HRH1: variants seen among roughly 807,000 people sequenced by gnomAD.
HRH1 encodes histamine receptor H1.
In HRH1, 6 loss-of-function variants were observed where a neutral mutation model predicts 10.3. That is an observed-to-expected ratio of 0.58 (90% CI 0.32 to 1.15). The LOEUF (loss-of-function observed/expected upper bound fraction) is 1.15, where lower values mean the gene tolerates loss of function less well. Ranked by LOEUF, HRH1 falls within the 50% of genes most tolerant of loss-of-function variation. The pLI, the probability that HRH1 is intolerant of heterozygous loss-of-function variation, is 0.05. For synonymous variants in HRH1, 242 were observed against 236.7 expected (o/e 1.02, Z -0.21); for missense variants, 514 against 615.3 (o/e 0.84, Z 1.74).
At chr3:11,218,522 G>A (rs1183640392) in intron 1 of HRH1, among the ~76,000 whole-genome samples, 1 of 152,042 alleles carries the variant, frequency 6.6e-6, no homozygotes, top group Non-Finnish European at 1.5e-5. Flanking sequence ...TCTTGTGGGG[G>A]CCATGGGTGG....
chr3:11,225,498 A>C (rs559651885), intron 1 of HRH1, among the ~76,000 whole-genome samples: 1 of 152,142 alleles, frequency 6.6e-6, no homozygotes, highest in Admixed American at 6.5e-5. Context: ...GAGACAGGTG[A>C]ATGCCTCTTT....
upstream of HRH1, among the ~76,000 whole-genome samples, chr3:11,152,565 A>G (rs894177037): frequency 6.6e-6 from 1 of 152,046 alleles, no homozygotes; most frequent in Non-Finnish European, 1.5e-5. Context: ...TGGAGAGAGG[A>G]GGGATGAAAG....
intron 1 of HRH1, among the ~76,000 whole-genome samples, chr3:11,188,134 G>GT (rs1937479471): frequency 6.6e-6 from 1 of 152,184 alleles, no homozygotes; most frequent in African/African-American, 2.4e-5. Context: ...AACTATCGTT[G>GT]TTTAACTTTA....
chr3:11,137,885 G>A (rs1156878878), intron 1 of HRH1, among the ~76,000 whole-genome samples: 1 of 152,014 alleles, frequency 6.6e-6, no homozygotes, highest in Non-Finnish European at 1.5e-5. Flanking sequence ...CTCTGGCTGA[G>A]GAACTAAGGT....
chr3:11,259,705 A>G lies in HRH1; in HGVS notation c.668A>G (p.His223Arg), dbSNP rs776088431. 2.5e-6 allele frequency: 4 copies of G among 1,613,952 alleles called. No individual in the cohort carries two copies. Among genetic ancestry groups the G allele is most frequent in the Non-Finnish European group, 3.4e-6 (4 of 1,180,006 alleles). ...AAGGCCGTACGACAACACTGCCAGCACCGGGAGCTCATCAATAGGTCCCTC... is the reference window on the plus strand; with the variant it reads ...AAGGCCGTACGACAACACTGCCAGCGCCGGGAGCTCATCAATAGGTCCCTC... ...IYKAVRQHCQ[H>R]RELINRSLPS... Residue 223 changes from histidine (H) to arginine (R), a missense_variant, in exon 2 of 2, where the codon CAC becomes CGC. Coordinates refer to ENST00000431010, the MANE Select transcript of HRH1 (RefSeq NM_001098212.2). The surrounding 1 kb of genome is among the most constrained non-coding windows in gnomAD (Gnocchi z 4.6).
chr3:11,250,188 G>GC (rs1224902682), intron 1 of HRH1, among the ~76,000 whole-genome samples: 1 of 148,690 alleles, frequency 6.7e-6, no homozygotes, highest in Non-Finnish European at 1.5e-5. Context: ...GACTATAGGC[G>GC]CCGCCACCAC....
chr3:11,139,863 T>TG (rs985620109), intron 1 of HRH1, among the ~76,000 whole-genome samples: 21 of 152,148 alleles, frequency 1.4e-4, no homozygotes, highest in African/African-American at 4.8e-4. Context: ...AGTTGTTTTT[T>TG]GGGATGATGG....
chr3:11,169,597 C>T (rs932380279), intron 1 of HRH1, among the ~76,000 whole-genome samples: 6 of 152,008 alleles, frequency 3.9e-5, no homozygotes, highest in African/African-American at 1.4e-4. Context: ...TAGGGAGCAC[C>T]CCCTATGAGG....
chr3:11,223,964 CAG>C (rs1438367374), intron 1 of HRH1, among the ~76,000 whole-genome samples: 1 of 152,164 alleles, frequency 6.6e-6, no homozygotes, highest in Non-Finnish European at 1.5e-5. Flanking sequence ...TGAGGGGACA[CAG>C]AGGGCACTGT....
chr3:11,213,136 AC>A, intron 1 of HRH1, among the ~76,000 whole-genome samples: 1 of 152,218 alleles, frequency 6.6e-6, no homozygotes, highest in Middle Eastern at 3.4e-3. Flanking sequence ...GTATTTATTG[AC>A]TTGTATTTTT....
intron 1 of HRH1, among the ~76,000 whole-genome samples, chr3:11,191,771 G>A (rs528393025): frequency 2.2e-4 from 34 of 152,292 alleles, no homozygotes; most frequent in South Asian, 2.1e-4. Flanking sequence ...CACAGTTGGC[G>A]TGTAGGGAGA....
intron 1 of HRH1, 36 bp from the exon 2 acceptor site, chr3:11,258,967 A>G (rs1001165998): frequency 6.7e-7 from 1 of 1,486,574 alleles, no homozygotes; most frequent in South Asian, 1.3e-5. Flanking sequence ...TCATCACCCA[A>G]GTCTCTGACC....
intron 1 of HRH1, among the ~76,000 whole-genome samples, chr3:11,190,397 T>A (rs1214678303): frequency 6.6e-6 from 1 of 151,474 alleles, no homozygotes; most frequent in Admixed American, 6.6e-5. Flanking sequence ...TTATTTATTT[T>A]GTAGAGATGG....
chr3:11,143,631 C>T (rs925900625), intron 1 of HRH1, among the ~76,000 whole-genome samples: 1 of 152,168 alleles, frequency 6.6e-6, no homozygotes, highest in Non-Finnish European at 1.5e-5. Context: ...TGGTCTAACC[C>T]CTCCAGTCTC....
At chr3:11,168,888 C>G (rs1205308498) in intron 1 of HRH1, among the ~76,000 whole-genome samples, 12 of 152,206 alleles carry the variant, frequency 7.9e-5, no homozygotes, top group Admixed American at 7.9e-4. Context: ...TTGCTGAGCT[C>G]CAACCAGGAG....
intron 1 of HRH1, among the ~76,000 whole-genome samples, chr3:11,140,141 C>T (rs915092981): frequency 5.3e-5 from 8 of 152,146 alleles, no homozygotes; most frequent in East Asian, 1.9e-4. Context: ...GAACGACCCG[C>T]GCAGCTGTTC....
At chr3:11,165,694 G>T (rs1372428615) in intron 1 of HRH1, among the ~76,000 whole-genome samples, 1 of 152,152 alleles carries the variant, frequency 6.6e-6, no homozygotes, top group African/African-American at 2.4e-5. Flanking sequence ...CTCTGCATTG[G>T]TCACTAGGAG....
chr3:11,250,160 A>C (rs1939607489), intron 1 of HRH1, among the ~76,000 whole-genome samples: 1 of 143,114 alleles, frequency 7.0e-6, no homozygotes, highest in Non-Finnish European at 1.5e-5. Flanking sequence ...CTCCTGCCTC[A>C]GCCTCCCGAG....
At chr3:11,186,270 T>C (rs112072952) in intron 1 of HRH1, among the ~76,000 whole-genome samples, 1 of 152,206 alleles carries the variant, frequency 6.6e-6, no homozygotes, top group Non-Finnish European at 1.5e-5. Flanking sequence ...CATAAAGCTA[T>C]GCCGCTTGCT....
Sources: gnomAD v4.1 joint callset for allele counts (sites outside exome capture counted in the v4.1 genomes callset) on GRCh38, gnomAD v4.1.1 for gene constraint, Gnocchi (gnomAD v3.1) non-coding constraint, MANE v1.5 for transcripts, NCBI Gene and HGNC (gene_info 2026-07-23, HGNC 2026-07-21) for gene names.